The following NCAM1 variants were observed in gnomAD, a reference collection of about 807,000 sequenced individuals.
The protein encoded by NCAM1 is neural cell adhesion molecule 1, also known as antigen recognized by monoclonal antibody 5.1H11.
A neutral mutation model predicts 109.8 loss-of-function variants in NCAM1; 14 were observed. The ratio of observed to expected loss-of-function variants is 0.13; its 90% CI spans 0.08 to 0.20. The LOEUF is 0.20. Ranked by LOEUF, NCAM1 falls within the 10% of genes least tolerant of loss-of-function variation. The pLI is 1.00. For synonymous variants in NCAM1, 418 were observed against 442.9 expected, an observed-to-expected ratio of 0.94 and a Z score of 0.70; for missense variants, 774 against 1,109.9, an observed-to-expected ratio of 0.70 and a Z score of 4.30.
chr11:113,182,748 C>T (rs984266370), intron 1 of NCAM1, among the ~76,000 whole-genome samples: 6 of 152,148 alleles, frequency 3.9e-5, no homozygotes, highest in African/African-American at 7.2e-5. Flanking sequence ...GAGAGTCGAG[C>T]GAGCAGAGCC....
intron 17 of NCAM1, chr11:113,263,077 C>G: frequency 7.2e-7 from 1 of 1,397,590 alleles, no homozygotes; most frequent in Non-Finnish European, 9.3e-7. Context: ...TTGGAAAAAG[C>G]TTTACCTCCA....
chr11:113,168,626 TG>T, intron 1 of NCAM1, among the ~76,000 whole-genome samples: 1 of 152,358 alleles, frequency 6.6e-6, no homozygotes, highest in East Asian at 1.9e-4. Context: ...GTTTGAGATG[TG>T]TTATTAACTT....
intron 1 of NCAM1, among the ~76,000 whole-genome samples, chr11:113,063,404 A>T (rs1227682625): frequency 6.6e-6 from 1 of 152,214 alleles, no homozygotes; most frequent in Non-Finnish European, 1.5e-5. Flanking sequence ...GACAAGCCTT[A>T]TGCTCAGAAG....
intron 1 of NCAM1, among the ~76,000 whole-genome samples, chr11:113,040,396 C>T (rs891835309): frequency 5.3e-4 from 81 of 152,148 alleles, no homozygotes; most frequent in Admixed American, 9.2e-4. Flanking sequence ...GTATCATTAC[C>T]CTTAAAAAGG....
intron 1 of NCAM1, among the ~76,000 whole-genome samples, chr11:113,008,786 C>G (rs975302169): frequency 6.6e-6 from 1 of 152,216 alleles, no homozygotes; most frequent in African/African-American, 2.4e-5. Flanking sequence ...GTTTTACACA[C>G]TGAAATGTTT....
intron 1 of NCAM1, among the ~76,000 whole-genome samples, chr11:113,198,999 G>T (rs527965068): frequency 6.6e-6 from 1 of 152,294 alleles, no homozygotes; most frequent in African/African-American, 2.4e-5. Context: ...GGGCTTGGGG[G>T]ATGAGTGCTT....
chr11:113,231,179 G>A, intron 9 of NCAM1: 1 of 1,534,810 alleles, frequency 6.5e-7, no homozygotes, highest in African/African-American at 1.4e-5. Flanking sequence ...TTGGGCACTT[G>A]GAATGTCCTG....
chr11:113,039,173 C>T (rs1952992254), intron 1 of NCAM1, among the ~76,000 whole-genome samples: 1 of 152,186 alleles, frequency 6.6e-6, no homozygotes, highest in Non-Finnish European at 1.5e-5. Flanking sequence ...ATAATTAATG[C>T]ATTATGTATG....
At chr11:113,098,177 C>A (rs1555090790) in intron 1 of NCAM1, among the ~76,000 whole-genome samples, 1 of 152,126 alleles carries the variant, frequency 6.6e-6, no homozygotes. Flanking sequence ...TACTTGGTCT[C>A]ATGGAACTTC....
chr11:113,085,906 G>T (rs975401663), intron 1 of NCAM1, among the ~76,000 whole-genome samples: 2 of 152,170 alleles, frequency 1.3e-5, no homozygotes, highest in African/African-American at 4.8e-5. Flanking sequence ...CTCATCTGGG[G>T]TTATGCCAAC....
chr11:113,233,215 G>A lies in NCAM1; in HGVS notation c.1591G>A (p.Glu531Lys). 1.9e-6 allele frequency: 3 copies of A among 1,613,914 alleles called. No individual in the cohort carries two copies. Among genetic ancestry groups the A allele is most frequent in the Non-Finnish European group, 2.5e-6 (3 of 1,179,866 alleles). The change falls in exon 13 of 20, where the codon GAA becomes AAA. Residue 531 changes from glutamate (E) to lysine (K), a missense_variant. Glu to Lys is a moderately conservative substitution (Grantham distance 56, BLOSUM62 1). Around this residue, in one of 4 missense-constraint regions of NCAM1, gnomAD observed 523 missense variants for 784.2 expected, o/e 0.67. Transcript: ENST00000316851. This position sits in a 1 kb window ranked among gnomAD's most constrained non-coding sequence, Gnocchi z 4.5. ...CAGCACAGCCCAGGTGCAGTTTGAT[G>A]AACCAGAGGCCACAGGTGGGGTGCC... Reference protein sequence around the residue: ...YSSTAQVQFDEPEATGGVPIL... With the variant: ...YSSTAQVQFDKPEATGGVPIL...
chr11:113,201,140 T>C (rs1253043162), intron 1 of NCAM1, among the ~76,000 whole-genome samples: 2 of 152,154 alleles, frequency 1.3e-5, no homozygotes, highest in Non-Finnish European at 2.9e-5. Context: ...CTGCCTTGTC[T>C]GTTGCTGGCA....
intron 1 of NCAM1, among the ~76,000 whole-genome samples, chr11:112,986,527 A>G (rs1951310232): frequency 6.6e-6 from 1 of 152,076 alleles, no homozygotes; most frequent in Non-Finnish European, 1.5e-5. Flanking sequence ...TCACCATTGA[A>G]GCCATCAGGC....
intron 1 of NCAM1, among the ~76,000 whole-genome samples, chr11:113,137,452 G>A (rs1941642095): frequency 6.6e-6 from 1 of 152,182 alleles, no homozygotes; most frequent in Non-Finnish European, 1.5e-5. Context: ...TACAAACGTT[G>A]TTAATTACTC....
chr11:113,232,448 C>A, intron 11 of NCAM1, 94 bp downstream of exon 11: 1 of 1,279,966 alleles, frequency 7.8e-7, no homozygotes, highest in East Asian at 2.4e-5. Context: ...TCCTGCTTCT[C>A]TGGCACATCC....
At chr11:113,130,472 AAAC>A (rs1941344550) in intron 1 of NCAM1, among the ~76,000 whole-genome samples, 1 of 152,214 alleles carries the variant, frequency 6.6e-6, no homozygotes, top group African/African-American at 2.4e-5. Flanking sequence ...GAAACAAATC[AAAC>A]AACTAGGGCA....
chr11:113,066,523 G>C (rs1245089), intron 1 of NCAM1, among the ~76,000 whole-genome samples: 6,061 of 152,096 alleles, frequency 0.04, 191 homozygotes, highest in East Asian at 0.085. Flanking sequence ...CTCAATTCCT[G>C]GTTTCTGTGC....
At chr11:113,018,819 G>A (rs1204873923) in intron 1 of NCAM1, among the ~76,000 whole-genome samples, 1 of 152,074 alleles carries the variant, frequency 6.6e-6, no homozygotes, top group Non-Finnish European at 1.5e-5. Context: ...TTATAAAATT[G>A]CTAGGTGGTT....
intron 1 of NCAM1, among the ~76,000 whole-genome samples, chr11:113,187,433 A>G (rs1555109060): frequency 6.6e-6 from 1 of 152,056 alleles, no homozygotes; most frequent in African/African-American, 2.4e-5. Context: ...CTTACCTAGA[A>G]GTTTTGGAGA....
Sources: gnomAD v4.1 joint callset for allele counts (sites outside exome capture counted in the v4.1 genomes callset) on GRCh38, gnomAD v4.1.1 for gene constraint, gnomAD v4.1.1 regional missense constraint, Gnocchi (gnomAD v3.1) non-coding constraint, MANE v1.5 for transcripts, NCBI Gene and HGNC (gene_info 2026-07-23, HGNC 2026-07-21) for gene names.